NPAS3: variants seen among roughly 807,000 people sequenced by gnomAD.
NPAS3 encodes the protein neuronal PAS domain protein 3.
A neutral mutation model predicts 73.1 loss-of-function variants in NPAS3; 14 were observed. The observed-to-expected ratio is 0.19, with a 90% CI of 0.13 to 0.30. NPAS3 has a LOEUF of 0.30. Among genes scored for constraint, NPAS3 ranks in the 10% least tolerant of loss-of-function variants. NPAS3 has a pLI of 1.00. For synonymous variants in NPAS3, 620 were observed against 541.5 expected (o/e 1.14, Z -2.01); for missense variants, 1,096 against 1,250.0 (o/e 0.88, Z 1.86).
At chr14:33,485,011 C>T (rs2051514046) in intron 4 of NPAS3, among the ~76,000 whole-genome samples, 1 of 152,112 alleles carries the variant, frequency 6.6e-6, no homozygotes, top group South Asian at 2.1e-4. Flanking sequence ...ATGGAACTTC[C>T]TGCTTTTGGT....
intron 5 of NPAS3, among the ~76,000 whole-genome samples, chr14:33,648,760 G>A (rs930295677): frequency 2.6e-5 from 4 of 152,152 alleles, no homozygotes; most frequent in African/African-American, 4.8e-5. Context: ...TTTAGTGGTC[G>A]TTTGGCTAAA....
At chr14:33,801,078 C>A in exon 12 of NPAS3, 2 of 1,592,078 alleles carry the variant, frequency 1.3e-6, no homozygotes, top group Non-Finnish European at 1.7e-6. Context: ...GGCATCCACG[C>A]GGCACAGACT....
intron 3 of NPAS3, among the ~76,000 whole-genome samples, chr14:33,273,791 C>T (rs192591904): frequency 4.7e-4 from 72 of 152,184 alleles, no homozygotes; most frequent in African/African-American, 1.7e-3. Context: ...TGTTGTATCT[C>T]CAGGACCGGA....
intron 1 of NPAS3, among the ~76,000 whole-genome samples, chr14:33,006,393 G>A (rs544738018): frequency 2.0e-5 from 3 of 152,060 alleles, no homozygotes; most frequent in Admixed American, 6.6e-5. Context: ...TTAAGACTTC[G>A]GTAGAGAAAA....
At chr14:33,098,937 C>T (rs1221064330) in intron 2 of NPAS3, among the ~76,000 whole-genome samples, 1 of 152,174 alleles carries the variant, frequency 6.6e-6, no homozygotes, top group Admixed American at 6.5e-5. Context: ...CAAAGGTGCT[C>T]AACTGAGGGG....
intron 3 of NPAS3, among the ~76,000 whole-genome samples, chr14:33,310,974 A>C (rs1281376877): frequency 6.6e-6 from 1 of 152,122 alleles, no homozygotes; most frequent in Non-Finnish European, 1.5e-5. Flanking sequence ...TTAGATTTTG[A>C]ACTCACTGAT....
At chr14:33,783,513 A>C (rs1302081293) in intron 9 of NPAS3, among the ~76,000 whole-genome samples, 2 of 149,802 alleles carry the variant, frequency 1.3e-5, no homozygotes, top group African/African-American at 4.9e-5. Flanking sequence ...TAACCGAAAA[A>C]ACCGTCACAA....
chr14:32,935,867 G>A (rs566958174), upstream of NPAS3, among the ~76,000 whole-genome samples: 6 of 152,292 alleles, frequency 3.9e-5, no homozygotes, highest in African/African-American at 9.6e-5. Flanking sequence ...AAAATGCGCT[G>A]AGAAAAACTA....
chr14:32,977,187 A>G (rs76326706), intron 1 of NPAS3, among the ~76,000 whole-genome samples: 213 of 151,906 alleles, frequency 1.4e-3, no homozygotes, highest in African/African-American at 5.0e-3. Context: ...GTAAACTTTC[A>G]TTTTCCGTAT....
chr14:33,684,239 T>A (rs2060023409), intron 6 of NPAS3, among the ~76,000 whole-genome samples: 1 of 151,700 alleles, frequency 6.6e-6, no homozygotes, highest in African/African-American at 2.4e-5. Context: ...TTTTTTTTTT[T>A]AACATAGTCT....
At chr14:33,393,684 G>C (rs1327033789) in intron 4 of NPAS3, among the ~76,000 whole-genome samples, 1 of 152,126 alleles carries the variant, frequency 6.6e-6, no homozygotes, top group Non-Finnish European at 1.5e-5. Context: ...CCCCTTGCTT[G>C]TGTGGTAATG....
At chr14:33,029,809 A>C (rs973115743) in intron 1 of NPAS3, among the ~76,000 whole-genome samples, 16 of 152,180 alleles carry the variant, frequency 1.1e-4, no homozygotes, top group Admixed American at 9.8e-4. Context: ...AGTGCTGCCC[A>C]TTAAGAAAAA....
At chr14:33,478,666 C>T (rs113509833) in intron 4 of NPAS3, among the ~76,000 whole-genome samples, 534 of 152,202 alleles carry the variant, frequency 3.5e-3, no homozygotes, top group African/African-American at 0.012. Flanking sequence ...TAGAAAGTTG[C>T]GTTTGGGCAA....
intron 10 of NPAS3, among the ~76,000 whole-genome samples, chr14:33,795,293 C>T (rs1437273182): frequency 6.6e-6 from 1 of 152,078 alleles, no homozygotes; most frequent in East Asian, 1.9e-4. Context: ...TACATTAATT[C>T]TCTCTAAAGG....
chr14:32,998,147 T>C (rs1260566511), intron 1 of NPAS3, among the ~76,000 whole-genome samples: 2 of 152,122 alleles, frequency 1.3e-5, no homozygotes, highest in Non-Finnish European at 2.9e-5. Context: ...CAACAGATGA[T>C]TAGAAAAAGA....
At chr14:33,231,207 A>G (rs2047838774) in intron 3 of NPAS3, among the ~76,000 whole-genome samples, 1 of 152,228 alleles carries the variant, frequency 6.6e-6, no homozygotes, top group Admixed American at 6.5e-5. Flanking sequence ...TAAAAATCAC[A>G]GTTTTTATAT....
rs74042341 is a variant in NPAS3 at position 33,585,782 on chromosome 14, G to A, written c.558+25572G>A. ...TGCTGGTGCCTAATGTATTTTAGAT[G>A]CAGCATGAAAGTCTCAAAATGTGGG... On this transcript the variant is annotated intron_variant, in intron 5 of 11. Transcript: ENST00000356141. Among the ~76,000 whole-genome samples, 590 of 152,224 alleles carry A rather than the reference G, an allele frequency of 3.9e-3. 4 individuals carry two copies. Among genetic ancestry groups the A allele is most frequent in the African/African-American group, 0.012 (517 of 41,528 alleles).
chr14:33,573,238 C>T (rs1050573657), intron 5 of NPAS3, among the ~76,000 whole-genome samples: 1 of 152,076 alleles, frequency 6.6e-6, no homozygotes, highest in Non-Finnish European at 1.5e-5. Flanking sequence ...ACCATGCATG[C>T]CAGCATTCAG....
At chr14:33,521,486 GTGA>G (rs1401279424) in intron 4 of NPAS3, among the ~76,000 whole-genome samples, 2 of 143,118 alleles carry the variant, frequency 1.4e-5, no homozygotes, top group African/African-American at 5.1e-5. Flanking sequence ...CTTGATAGAA[GTGA>G]TGATTTGGAG....
Sources: allele counts gnomAD v4.1 joint callset (sites outside exome capture counted in the v4.1 genomes callset), GRCh38; gene constraint gnomAD v4.1.1; transcripts MANE v1.5; gene names NCBI Gene and HGNC (gene_info 2026-07-23, HGNC 2026-07-21).